Variants in DCHS2 observed in about 807,000 individuals in gnomAD.
The protein encoded by DCHS2 is dachsous cadherin-related 2.
DCHS2 carries 142 observed loss-of-function variants against 182.4 expected under a neutral mutation model. The ratio of observed to expected loss-of-function variants is 0.78; its 90% confidence interval spans 0.68 to 0.89. The LOEUF (loss-of-function observed/expected upper bound fraction) is 0.89. Among genes scored for constraint, DCHS2 ranks in the 40% least tolerant of loss-of-function variants. The probability of loss-of-function intolerance (pLI) is 0.00; values close to 1 mark genes in which losing one functional copy is unlikely to be tolerated. For missense variants in DCHS2, 4,319 were observed against 4,198.6 expected, an observed-to-expected ratio of 1.03 and a Z score of -0.79; for synonymous variants, 1,740 against 1,663.3, an observed-to-expected ratio of 1.05 and a Z score of -1.12.
At chr4:154,310,496 C>G (rs1014460430) in intron 10 of DCHS2, among the ~76,000 whole-genome samples, 1 of 152,154 alleles carries the variant, frequency 6.6e-6, no homozygotes, top group African/African-American at 2.4e-5. Flanking sequence ...GTGAACTTAT[C>G]ATGTATGACA....
At chr4:154,290,331 A>G (rs1734597246) in intron 13 of DCHS2, among the ~76,000 whole-genome samples, 1 of 152,102 alleles carries the variant, frequency 6.6e-6, no homozygotes, top group South Asian at 2.1e-4. Context: ...ATGTTCATGG[A>G]TTGAAGAATC....
intron 3 of DCHS2, among the ~76,000 whole-genome samples, chr4:154,365,793 C>T (rs1290784275): frequency 6.6e-6 from 1 of 151,746 alleles, no homozygotes; most frequent in Non-Finnish European, 1.5e-5. Context: ...AGATTACAGG[C>T]GCCCACCACC....
At chr4:154,422,586 G>A (rs1171812928) in intron 1 of DCHS2, among the ~76,000 whole-genome samples, 1 of 152,186 alleles carries the variant, frequency 6.6e-6, no homozygotes, top group Non-Finnish European at 1.5e-5. Context: ...CAAAACAAGA[G>A]TGATCTAGAA....
At chr4:154,424,367 G>T (rs981202913) in intron 1 of DCHS2, among the ~76,000 whole-genome samples, 2 of 152,084 alleles carry the variant, frequency 1.3e-5, no homozygotes, top group African/African-American at 2.4e-5. Flanking sequence ...CTCTAAAAAA[G>T]AAATAAAAAG....
chr4:154,348,430 A>G (rs182043807), intron 3 of DCHS2, among the ~76,000 whole-genome samples: 1 of 152,100 alleles, frequency 6.6e-6, no homozygotes, highest in Admixed American at 6.5e-5. Context: ...AAGATAACAT[A>G]ATTTTAGAAA....
intron 1 of DCHS2, among the ~76,000 whole-genome samples, chr4:154,431,222 G>C (rs7676857): frequency 0.51 from 77,435 of 151,934 alleles, 20,915 homozygotes; most frequent in Middle Eastern, 0.67. Context: ...CAGGCGGGGG[G>C]AGATTTAACA....
chr4:154,305,632 G>A (rs1032345715), intron 10 of DCHS2, among the ~76,000 whole-genome samples: 3 of 152,116 alleles, frequency 2.0e-5, no homozygotes, highest in Admixed American at 6.5e-5. Context: ...TTAAAAGCCC[G>A]TGCTAAGTTA....
chr4:154,429,517 A>G (rs1199365147), intron 1 of DCHS2, among the ~76,000 whole-genome samples: 2 of 152,180 alleles, frequency 1.3e-5, no homozygotes, highest in Non-Finnish European at 2.9e-5. Flanking sequence ...GAAAGGACAC[A>G]TGGAAAAGGA....
At position 154,234,943 on chromosome 4, in the gene DCHS2, G is replaced by C. The variant is rs940257221; in HGVS notation, c.9709C>G (p.Leu3237Val). 6.2e-7 allele frequency: 1 copy of C among 1,613,944 alleles called. No homozygotes were observed. Among genetic ancestry groups the C allele is most frequent in the Non-Finnish European group, 8.5e-7 (1 of 1,179,956 alleles). The change falls in exon 20 of 20, where the codon CTT becomes GTT. Residue 3237 changes from leucine to valine, a missense_variant. By Grantham distance (32) the Leu-to-Val change is conservative. Coordinates refer to ENST00000357232, the MANE Select transcript of DCHS2 (RefSeq NM_001358235.2). Reference protein sequence around the residue: ...DGKDNYHWNYLLSWEPKFQPL... With the variant: ...DGKDNYHWNYVLSWEPKFQPL... ...TGGAATTTGGGCTCCCAACTAAGAA[G>C]ATAATTCCAGTGATAGTTGTCTTTT...
intron 1 of DCHS2, among the ~76,000 whole-genome samples, chr4:154,459,841 A>G (rs1016874953): frequency 6.6e-6 from 1 of 151,786 alleles, no homozygotes; most frequent in Non-Finnish European, 1.5e-5. Flanking sequence ...AACCCAATCC[A>G]GATGTAAAAA....
intron 10 of DCHS2, among the ~76,000 whole-genome samples, chr4:154,310,636 T>C (rs752635684): frequency 6.6e-6 from 1 of 152,158 alleles, no homozygotes; most frequent in Non-Finnish European, 1.5e-5. Flanking sequence ...TTCTGTAGAC[T>C]GGGGATGGAT....
intron 1 of DCHS2, among the ~76,000 whole-genome samples, chr4:154,383,511 AT>A (rs1731263854): frequency 6.6e-6 from 1 of 152,138 alleles, no homozygotes; most frequent in Non-Finnish European, 1.5e-5. Flanking sequence ...CAAATAAATA[AT>A]TTTTATTACT....
chr4:154,330,047 G>A (rs1007129421), intron 5 of DCHS2, among the ~76,000 whole-genome samples: 5 of 152,200 alleles, frequency 3.3e-5, no homozygotes, highest in African/African-American at 1.2e-4. Context: ...TCTTTATGCT[G>A]CTATACAGAA....
chr4:154,266,480 C>T (rs1042559200), intron 14 of DCHS2, among the ~76,000 whole-genome samples: 1 of 151,872 alleles, frequency 6.6e-6, no homozygotes, highest in African/African-American at 2.4e-5. Flanking sequence ...CACAGTGAAA[C>T]CCCGTCTCTA....
At chr4:154,384,461 A>AATCTCGGGACTACC in intron 1 of DCHS2, 1 of 1,597,328 alleles carries the variant, frequency 6.3e-7, no homozygotes, top group Non-Finnish European at 8.5e-7. Flanking sequence ...TTTTCAATCC[A>AATCTCGGGACTACC]CACTGACTGC....
At chr4:154,348,172 C>G (rs116191114) in intron 3 of DCHS2, among the ~76,000 whole-genome samples, 2,606 of 152,054 alleles carry the variant, frequency 0.017, 44 homozygotes, top group Non-Finnish European at 0.027. Context: ...ATTATTCTCT[C>G]TCACTTTGTC....
chr4:154,391,677 C>A (rs1731713209), intron 1 of DCHS2, among the ~76,000 whole-genome samples: 1 of 152,128 alleles, frequency 6.6e-6, no homozygotes. Flanking sequence ...TTGCAAGAAT[C>A]CAAAGTAAAA....
In DCHS2 at chr4:154,468,942, G is replaced by A. The variant is rs144929691; in HGVS notation, c.2052+20362C>T. On this transcript the variant is annotated intron_variant, in intron 1 of 19. Transcript: ENST00000357232. ...GAGAGACGTGAAGAAGGAAGGAAAC[G>A]GTAACTATGTAAAGTGATGAATATG... 1.4e-3 allele frequency among the ~76,000 whole-genome samples: 216 copies of A among 152,154 alleles called. 1 individual carries two copies. Among genetic ancestry groups the A allele is most frequent in the African/African-American group, 4.9e-3 (203 of 41,538 alleles).
rs540481395 is a variant in DCHS2, at chr4:154,258,316, C to T, written c.6789+1229G>A. Reference sequence around the variant, plus strand: ...TGAGACTCTATTGGTCTTGTTTTCACCAACAGCATGGATATGTGCTTCAGA... The same window carrying T: ...TGAGACTCTATTGGTCTTGTTTTCATCAACAGCATGGATATGTGCTTCAGA... On this transcript the variant is annotated intron_variant, in intron 15 of 19. Transcript: ENST00000357232. Among the ~76,000 whole-genome samples the T allele has an allele frequency of 7.3e-4, 108 of 148,418 alleles. 1 individual carries two copies. In the Middle Eastern group the frequency reaches 0.011, roughly 15 times the overall value.
Sources: allele counts gnomAD v4.1 joint callset (sites outside exome capture counted in the v4.1 genomes callset), GRCh38; gene constraint gnomAD v4.1.1; transcripts MANE v1.5; gene names NCBI Gene and HGNC (gene_info 2026-07-23, HGNC 2026-07-21).